The following ANAPC1 variants were observed in gnomAD, a reference collection of about 807,000 sequenced individuals.
The protein encoded by ANAPC1 is anaphase-promoting complex subunit 1.
ANAPC1 carries 36 observed loss-of-function variants against 208.0 expected under a neutral mutation model. The ratio of observed to expected loss-of-function variants is 0.17; its 90% CI spans 0.13 to 0.23. ANAPC1 has a LOEUF of 0.23. Among genes scored for constraint, ANAPC1 ranks in the 10% least tolerant of loss-of-function variants. The probability of loss-of-function intolerance (pLI) is 1.00; values close to 1 mark genes in which losing one functional copy is unlikely to be tolerated. For synonymous variants in ANAPC1, 378 were observed against 695.2 expected, an observed-to-expected ratio of 0.54 and a Z score of 7.18; for missense variants, 942 against 2,011.6, an observed-to-expected ratio of 0.47 and a Z score of 10.17.
chr2:111,781,752 GT>G (rs1357697901), intron 43 of ANAPC1, among the ~76,000 whole-genome samples: 4 of 152,370 alleles, frequency 2.6e-5, no homozygotes, highest in South Asian at 4.1e-4. Flanking sequence ...CAAATTTCTT[GT>G]GTTGGAAACT....
chr2:111,853,933 G>C (rs1558723361), intron 13 of ANAPC1, among the ~76,000 whole-genome samples: 1 of 152,018 alleles, frequency 6.6e-6, no homozygotes, highest in Non-Finnish European at 1.5e-5. Flanking sequence ...AGCCAGGATG[G>C]TCTCGATCTC....
At chr2:111,833,566 A>C (rs1165891100) in intron 19 of ANAPC1, among the ~76,000 whole-genome samples, 2 of 151,734 alleles carry the variant, frequency 1.3e-5, no homozygotes, top group African/African-American at 4.8e-5. Context: ...CTCTGCTATT[A>C]GCTGTGTGAT....
rs536577134 is a variant in ANAPC1, at chr2:111,864,686, G to A, written c.831+120C>T. 1.3e-3 allele frequency: 1,983 copies of A among 1,521,508 alleles called. 2 individuals are homozygous for A. Among genetic ancestry groups the A allele is most frequent in the Non-Finnish European group, 1.7e-3 (1,879 of 1,122,014 alleles). 94.3% of individuals were successfully genotyped at this position (1,521,508 alleles called of 1,614,324 possible). A position where few individuals can be genotyped will look rare whatever the true frequency, so the allele number is the denominator to read the frequency against. On this transcript the variant is annotated intron_variant, in intron 8 of 47. Coordinates refer to ENST00000341068, the MANE Select transcript of ANAPC1 (RefSeq NM_022662.4). ...CATGTTGGCCAGGCTGGTCTTGAAC[G>A]TCCTGACCTCAAGTGATCCGCCTGC...
rs771037624 is a variant in ANAPC1 at position 111,847,806 on chromosome 2, G to A, written c.1710C>T (p.Leu570=). The A allele has an allele frequency of 1.2e-6, 2 of 1,605,482 alleles. No homozygotes were observed. The highest frequency in any genetic ancestry group is 1.7e-6 in the Non-Finnish European group (2 of 1,176,526). The change falls in exon 15 of 48, where the codon CTC becomes CTT. Residue 570 remains leucine (L), a synonymous_variant. Transcript: ENST00000341068. ...LRDSSKLHDS[L]YNEDCTFQQL... Reference sequence around the variant, plus strand: ...GTTGGAAAGTACAATCCTCATTATAGAGAGAATCATGAAGTTTTGAAGAAT... The same window carrying A: ...GTTGGAAAGTACAATCCTCATTATAAAGAGAATCATGAAGTTTTGAAGAAT...
In ANAPC1 at chr2:111,847,202, G is replaced by A. The variant is rs771587909; in HGVS notation, c.1792-4C>T. On this transcript the variant is annotated splice_region_variant and splice_polypyrimidine_tract_variant and intron_variant, in intron 15 of 47. Coordinates refer to ENST00000341068, the MANE Select transcript of ANAPC1 (RefSeq NM_022662.4). ...CCATGGAGCCATTACTCAGTTCCTA[G>A]ATGGAAACAAATGAGAAAGTAGATA... 1.9e-6 allele frequency: 3 copies of A among 1,607,690 alleles called. No individual in the cohort carries two copies. The highest frequency in any genetic ancestry group is 1.3e-5 in the African/African-American group (1 of 74,688).
chr2:111,870,303 C>T (rs1682675568), intron 6 of ANAPC1, among the ~76,000 whole-genome samples: 1 of 152,160 alleles, frequency 6.6e-6, no homozygotes, highest in South Asian at 2.1e-4. Context: ...TACTGTTTTC[C>T]ATAGATGTCA....
chr2:111,874,450 C>A, intron 3 of ANAPC1, among the ~76,000 whole-genome samples: 1 of 151,450 alleles, frequency 6.6e-6, no homozygotes, highest in East Asian at 1.9e-4. Flanking sequence ...ATGCCCTGAG[C>A]TCTGGTAACC....
chr2:111,846,534 CAT>C (rs1158119946), intron 16 of ANAPC1, among the ~76,000 whole-genome samples: 3,168 of 68,278 alleles, frequency 0.046, 180 homozygotes, highest in African/African-American at 0.1. Flanking sequence ...TATACATATA[CAT>C]ATATATATAT....
intron 8 of ANAPC1, 50 bp downstream of exon 8, chr2:111,864,756 C>A: frequency 1.2e-6 from 2 of 1,607,170 alleles, no homozygotes; most frequent in Non-Finnish European, 1.7e-6. Context: ...AGCCAGTGCA[C>A]CCAGCCTACC....
intron 43 of ANAPC1, chr2:111,780,640 C>G (rs1677223986): frequency 3.1e-6 from 1 of 322,864 alleles, no homozygotes; most frequent in Non-Finnish European, 6.0e-6. Flanking sequence ...TTACACAACT[C>G]ATCCAAAAAA....
chr2:111,807,609 G>A (rs1367740769), intron 29 of ANAPC1, among the ~76,000 whole-genome samples: 5 of 151,608 alleles, frequency 3.3e-5, no homozygotes, highest in Admixed American at 6.6e-5. Context: ...GGAGAATGGC[G>A]TGAACCCGGG....
Position 111,847,176 on chromosome 2 carries a change from A to C in ANAPC1, c.1814T>G (p.Val605Gly). 1.9e-6 allele frequency: 3 copies of C among 1,610,914 alleles called. No individual in the cohort carries two copies. Among genetic ancestry groups the C allele is most frequent in the Non-Finnish European group, 2.5e-6 (3 of 1,179,246 alleles). The change falls in exon 16 of 48, where the codon GTT becomes GGT. Residue 605 changes from valine to glycine, a missense_variant. Coordinates refer to ENST00000341068, the MANE Select transcript of ANAPC1 (RefSeq NM_022662.4). The part of the protein sequence containing the change: ...VTLELSNGSM[V>G]RITIPEIATS... The stretch of plus-strand genomic sequence containing the variant: ...GGCAATTTCAGGAATAGTGATCCTA[A>C]CCATGGAGCCATTACTCAGTTCCTA...
intron 11 of ANAPC1, among the ~76,000 whole-genome samples, chr2:111,857,951 C>T (rs1412126949): frequency 1.5e-5 from 2 of 133,312 alleles, no homozygotes; most frequent in Admixed American, 8.2e-5. Context: ...CAAAAAGGTA[C>T]ACTGTGTGTA....
intron 1 of ANAPC1, among the ~76,000 whole-genome samples, chr2:111,883,569 C>T (rs1683438772): frequency 6.6e-6 from 1 of 151,058 alleles, no homozygotes; most frequent in African/African-American, 2.4e-5. Context: ...TGCACACTAA[C>T]GGGAGCTTAA....
chr2:111,792,831 T>G (rs893245540), intron 37 of ANAPC1, among the ~76,000 whole-genome samples: 2 of 151,998 alleles, frequency 1.3e-5, no homozygotes, highest in African/African-American at 4.8e-5. Flanking sequence ...CGGGCGCCTG[T>G]GGTCCCAGCT....
intron 34 of ANAPC1, among the ~76,000 whole-genome samples, chr2:111,797,715 T>G (rs1233537945): frequency 1.3e-5 from 2 of 149,078 alleles, no homozygotes; most frequent in Non-Finnish European, 3.0e-5. Flanking sequence ...AAGGGTCAAA[T>G]AGTAAATACC....
chr2:111,862,229 T>A (rs1573487661), intron 10 of ANAPC1, among the ~76,000 whole-genome samples, 160 bp downstream of exon 10: 1 of 152,252 alleles, frequency 6.6e-6, no homozygotes, highest in Non-Finnish European at 1.5e-5. Context: ...ATCATTAATA[T>A]CCTCTACTGA....
At chr2:111,874,754 C>T (rs1573518222) in intron 3 of ANAPC1, among the ~76,000 whole-genome samples, 2 of 152,238 alleles carry the variant, frequency 1.3e-5, no homozygotes, top group Non-Finnish European at 2.9e-5. Flanking sequence ...CTGTGAATCC[C>T]TGTTCTCAAT....
chr2:111,844,754 T>A (rs1680962975), intron 16 of ANAPC1, among the ~76,000 whole-genome samples: 1 of 152,210 alleles, frequency 6.6e-6, no homozygotes. Flanking sequence ...CAAAGCTTTA[T>A]AACTTTATTT....
Sources: allele counts gnomAD v4.1 joint callset (sites outside exome capture counted in the v4.1 genomes callset), GRCh38; gene constraint gnomAD v4.1.1; transcripts MANE v1.5; gene names NCBI Gene and HGNC (gene_info 2026-07-23, HGNC 2026-07-21).